The following SCMH1 variants were observed in gnomAD, a reference collection of about 807,000 sequenced individuals.
SCMH1 encodes the protein Scm polycomb group protein homolog 1, also known as polycomb protein SCMH1.
A neutral mutation model predicts 70.8 loss-of-function variants in SCMH1; 37 were observed. The ratio of observed to expected loss-of-function variants is 0.52; its 90% confidence interval spans 0.40 to 0.69. The LOEUF is 0.69. Ranked by LOEUF, SCMH1 falls within the 30% of genes least tolerant of loss-of-function variation. SCMH1 has a pLI of 0.00. For synonymous variants in SCMH1, 292 were observed against 307.4 expected (o/e 0.95, Z 0.52); for missense variants, 607 against 827.3 (o/e 0.73, Z 3.27).
chr1:41,155,591 C>T (rs961434514), intron 4 of SCMH1, among the ~76,000 whole-genome samples: 3 of 151,982 alleles, frequency 2.0e-5, no homozygotes, highest in South Asian at 2.1e-4. Context: ...CAATTCCTGG[C>T]TATTTTGAAA....
intron 8 of SCMH1, among the ~76,000 whole-genome samples, chr1:41,106,007 T>A (rs1233125355): frequency 6.6e-6 from 1 of 151,476 alleles, no homozygotes; most frequent in Non-Finnish European, 1.5e-5. Context: ...CCCTAGTAGC[T>A]GTGATTACAG....
intron 2 of SCMH1, among the ~76,000 whole-genome samples, chr1:41,174,468 T>C (rs1161568017): frequency 6.6e-6 from 1 of 152,154 alleles, no homozygotes; most frequent in East Asian, 1.9e-4. Flanking sequence ...TTTCTCAGTA[T>C]TACTCCACGT....
At chr1:41,151,732 A>T in intron 4 of SCMH1, 48 bp from the exon 5 acceptor site, 1 of 1,392,728 alleles carries the variant, frequency 7.2e-7, no homozygotes, top group Non-Finnish European at 1.0e-6. Flanking sequence ...CCTAAAAAAA[A>T]TGTTTTCAGG....
intron 12 of SCMH1, among the ~76,000 whole-genome samples, chr1:41,045,505 T>G (rs1646788978): frequency 6.6e-6 from 1 of 152,136 alleles, no homozygotes; most frequent in South Asian, 2.1e-4. Context: ...CTGTTAAGAC[T>G]ATGATGAAAA....
intron 2 of SCMH1, among the ~76,000 whole-genome samples, chr1:41,170,042 T>C (rs1033936498): frequency 1.6e-4 from 25 of 152,212 alleles, no homozygotes; most frequent in African/African-American, 5.8e-4. Context: ...GCTGGAATAG[T>C]GTGTCATAAA....
chr1:41,042,822 C>T (rs2148646937), intron 12 of SCMH1, among the ~76,000 whole-genome samples: 1 of 152,196 alleles, frequency 6.6e-6, no homozygotes, highest in African/African-American at 2.4e-5. Flanking sequence ...TAGAATCGGG[C>T]ACAGAGTAAG....
chr1:41,108,650 C>T (rs1333351326), intron 8 of SCMH1, among the ~76,000 whole-genome samples: 1 of 152,116 alleles, frequency 6.6e-6, no homozygotes, highest in African/African-American at 2.4e-5. Flanking sequence ...AAAAGGGATA[C>T]TACTTGGCTT....
chr1:41,052,957 G>A (rs970809587), intron 10 of SCMH1, among the ~76,000 whole-genome samples: 27 of 140,972 alleles, frequency 1.9e-4, no homozygotes, highest in Admixed American at 1.3e-3. Flanking sequence ...TCTCTCTGTC[G>A]CTCAGGCTGG....
Position 41,124,590 on chromosome 1 carries a change from CTTATTTAT to C in SCMH1, c.413-7588_413-7581del, listed in dbSNP as rs138729350. On this transcript the variant is annotated intron_variant, in intron 6 of 14. Transcript: ENST00000337495. ...TCATAATTACATTCATGCTGAAGAG[CTTATTTAT>C]TTATTTATTTATTTATTTATTTATT... Among the ~76,000 whole-genome samples, 75 of 148,862 alleles carry C rather than the reference CTTATTTAT, an allele frequency of 5.0e-4. 2 individuals carry two copies. The South Asian group carries it at 6.1e-3, about 12-fold the overall frequency.
chr1:41,098,843 AGC>A (rs1363583099), intron 8 of SCMH1: 2 of 155,276 alleles, frequency 1.3e-5, no homozygotes, highest in Non-Finnish European at 2.8e-5. Context: ...CTCTGGAGGC[AGC>A]CCAAATATCC....
chr1:41,197,861 T>G (rs868346931), intron 1 of SCMH1, among the ~76,000 whole-genome samples: 1 of 152,194 alleles, frequency 6.6e-6, no homozygotes, highest in Non-Finnish European at 1.5e-5. Context: ...CTATCAACTT[T>G]CTTTATGACT....
chr1:41,106,699 T>C (rs550153160), intron 8 of SCMH1, among the ~76,000 whole-genome samples: 4 of 151,944 alleles, frequency 2.6e-5, no homozygotes, highest in African/African-American at 9.7e-5. Flanking sequence ...TTTTCCTTTT[T>C]CTTTTTTTGA....
intron 13 of SCMH1, among the ~76,000 whole-genome samples, chr1:41,033,706 G>A (rs1459501494): frequency 6.6e-6 from 1 of 152,208 alleles, no homozygotes; most frequent in Non-Finnish European, 1.5e-5. Flanking sequence ...TGCAGTAAGA[G>A]AGGAAACAGA....
chr1:41,106,095 G>A (rs547502097), intron 8 of SCMH1, among the ~76,000 whole-genome samples: 1 of 151,704 alleles, frequency 6.6e-6, no homozygotes, highest in African/African-American at 2.4e-5. Flanking sequence ...GGCTGGTCTC[G>A]AACTCCTGAC....
intron 8 of SCMH1, among the ~76,000 whole-genome samples, chr1:41,094,771 C>A (rs981089922): frequency 3.3e-5 from 5 of 151,904 alleles, no homozygotes; most frequent in Admixed American, 2.0e-4. Context: ...TGCCTGTAAT[C>A]CCAGCTAATC....
intron 13 of SCMH1, among the ~76,000 whole-genome samples, chr1:41,035,866 G>A (rs1187748428): frequency 1.3e-5 from 2 of 151,930 alleles, no homozygotes; most frequent in Non-Finnish European, 2.9e-5. Context: ...GGCTGCTTTC[G>A]CTAAGATCCA....
At chr1:41,058,048 G>A (rs979806926) in intron 10 of SCMH1, among the ~76,000 whole-genome samples, 24 of 151,272 alleles carry the variant, frequency 1.6e-4, no homozygotes, top group Non-Finnish European at 2.8e-4. Context: ...CCTGAGTGTG[G>A]GAAGCTGAGG....
At chr1:41,085,098 C>T (rs1440905939) in intron 8 of SCMH1, among the ~76,000 whole-genome samples, 1 of 150,668 alleles carries the variant, frequency 6.6e-6, no homozygotes, top group Non-Finnish European at 1.5e-5. Flanking sequence ...GCACATTGTG[C>T]ACATGTACCC....
intron 10 of SCMH1, among the ~76,000 whole-genome samples, chr1:41,051,205 A>G (rs1040511837): frequency 6.6e-6 from 1 of 152,202 alleles, no homozygotes; most frequent in African/African-American, 2.4e-5. Flanking sequence ...CTTGTAGCCA[A>G]TGTAAAGTCA....
Sources: gnomAD v4.1 joint callset for allele counts (sites outside exome capture counted in the v4.1 genomes callset) on GRCh38, gnomAD v4.1.1 for gene constraint, MANE v1.5 for transcripts, NCBI Gene and HGNC (gene_info 2026-07-23, HGNC 2026-07-21) for gene names.